The following AGAP1 variants were observed in gnomAD, a reference collection of about 807,000 sequenced individuals.
AGAP1 encodes the protein ArfGAP with GTPase domain, ankyrin repeat and PH domain 1.
AGAP1 carries 29 observed loss-of-function variants against 105.3 expected under a neutral mutation model. The observed-to-expected ratio is 0.28, with a 90% CI of 0.21 to 0.38. AGAP1 has a LOEUF of 0.38. Among genes scored for constraint, AGAP1 ranks in the 10% least tolerant of loss-of-function variants. The pLI is 1.00. For synonymous variants in AGAP1, 509 were observed against 485.9 expected (o/e 1.05, Z -0.63); for missense variants, 998 against 1,165.1 (o/e 0.86, Z 2.09).
intron 1 of AGAP1, chr2:235,670,354 C>G (rs1406248184): frequency 7.6e-6 from 4 of 524,126 alleles, no homozygotes; most frequent in Non-Finnish European, 1.4e-5. Flanking sequence ...CGGAGGGTCC[C>G]CGGCCGCGCG....
intron 1 of AGAP1, among the ~76,000 whole-genome samples, chr2:235,688,945 G>A (rs572283932): frequency 3.9e-5 from 6 of 152,294 alleles, no homozygotes; most frequent in East Asian, 1.9e-4. Flanking sequence ...AGCCGCACCC[G>A]TGTAACGTTC....
chr2:235,638,593 C>T (rs946222078), intron 1 of AGAP1, among the ~76,000 whole-genome samples: 3 of 152,118 alleles, frequency 2.0e-5, no homozygotes, highest in African/African-American at 7.2e-5. Flanking sequence ...TGTATATATG[C>T]CCAGAAAAAA....
rs540270273 is a variant in AGAP1 at position 236,010,908 on chromosome 2, G to A, written c.1646-25653G>A. Among the ~76,000 whole-genome samples the A allele has an allele frequency of 1.2e-3, 176 of 152,236 alleles. 1 individual carries two copies. Among genetic ancestry groups the A allele is most frequent in the African/African-American group, 4.1e-3 (170 of 41,532 alleles). ...AAAAAGTACAAAAAATTAGTCGGGC[G>A]TGGTGGCGGGCACTCGTGGTCCCAG... On this transcript the variant is annotated intron_variant, in intron 13 of 17. Coordinates refer to ENST00000304032, the MANE Select transcript of AGAP1 (RefSeq NM_001037131.3).
At chr2:235,743,492 T>C (rs543158536) in intron 4 of AGAP1, among the ~76,000 whole-genome samples, 6 of 152,180 alleles carry the variant, frequency 3.9e-5, no homozygotes, top group African/African-American at 1.4e-4. Flanking sequence ...TCAGCCTTGG[T>C]CCTGGCACTC....
chr2:236,077,460 A>G (rs1276774393), intron 16 of AGAP1, among the ~76,000 whole-genome samples: 1 of 151,856 alleles, frequency 6.6e-6, no homozygotes, highest in Non-Finnish European at 1.5e-5. Context: ...CTGGGATTAC[A>G]GGTGCGTGCC....
intron 1 of AGAP1, among the ~76,000 whole-genome samples, chr2:235,576,954 G>A (rs911567922): frequency 6.6e-6 from 1 of 152,114 alleles, no homozygotes. Context: ...CCTCTCTCTG[G>A]CCAGTTCTGC....
intron 13 of AGAP1, among the ~76,000 whole-genome samples, chr2:236,019,664 G>A (rs750241204): frequency 3.9e-5 from 6 of 152,358 alleles, no homozygotes; most frequent in Admixed American, 1.3e-4. Context: ...AGAGCCTGCA[G>A]CGCCCTTAGG....
chr2:235,595,005 G>A (rs1249230803), intron 1 of AGAP1, among the ~76,000 whole-genome samples: 1 of 151,590 alleles, frequency 6.6e-6, no homozygotes, highest in African/African-American at 2.4e-5. Context: ...CACTGGCAAG[G>A]AGGAGAGGGC....
chr2:235,676,603 C>G (rs1436613743), intron 1 of AGAP1, among the ~76,000 whole-genome samples: 1 of 152,142 alleles, frequency 6.6e-6, no homozygotes, highest in Non-Finnish European at 1.5e-5. Flanking sequence ...TTCCTGTTCC[C>G]CAGATCCTTA....
intron 11 of AGAP1, among the ~76,000 whole-genome samples, chr2:235,910,653 C>T (rs1214685274): frequency 6.6e-6 from 1 of 152,224 alleles, no homozygotes; most frequent in Non-Finnish European, 1.5e-5. Flanking sequence ...TGCAGTGGCT[C>T]ACGCCTGTAA....
chr2:235,534,597 G>A lies in AGAP1; in HGVS notation c.163+39748G>A, dbSNP rs188688508. ...CTTTGATCAGTGCTTCAAGCTTAGC[G>A]GTTTGTTTATATACATGTTCATGTA... On this transcript the variant is annotated intron_variant, in intron 1 of 17. Coordinates refer to ENST00000304032, the MANE Select transcript of AGAP1 (RefSeq NM_001037131.3). 8.7e-4 allele frequency among the ~76,000 whole-genome samples: 132 copies of A among 152,236 alleles called. 1 individual carries two copies. The highest frequency in any genetic ancestry group is 1.5e-3 in the Non-Finnish European group (103 of 68,028).
chr2:236,063,990 T>C (rs1349961657), intron 16 of AGAP1, among the ~76,000 whole-genome samples: 2 of 152,202 alleles, frequency 1.3e-5, no homozygotes, highest in Non-Finnish European at 2.9e-5. Context: ...TACATAATCA[T>C]GATGACTTAC....
At chr2:236,118,963 C>T (rs887086651) in intron 16 of AGAP1, among the ~76,000 whole-genome samples, 10 of 152,120 alleles carry the variant, frequency 6.6e-5, no homozygotes, top group African/African-American at 2.4e-4. Flanking sequence ...GGGGTCCTTC[C>T]TTTGGGTCAA....
In AGAP1 at chr2:235,586,595, G is replaced by C. The variant is rs1232881397; in HGVS notation, c.163+91746G>C. Among the ~76,000 whole-genome samples, 1 of 152,226 alleles carries C rather than the reference G, an allele frequency of 6.6e-6. No homozygotes were observed. Among genetic ancestry groups the C allele is most frequent in the African/African-American group, 2.4e-5 (1 of 41,458 alleles). ...TGTGACCTGAAGGCCCTTGCAGGCT[G>C]AGGTCTCTTGGTGATAATCCACACA... On this transcript the variant is annotated intron_variant, in intron 1 of 17. Transcript: ENST00000304032. This position sits in a 1 kb window ranked among gnomAD's most constrained non-coding sequence, Gnocchi z 4.2.
chr2:235,623,799 T>C lies in AGAP1; in HGVS notation c.164-85380T>C, dbSNP rs1020949705. 1.6e-4 allele frequency among the ~76,000 whole-genome samples: 24 copies of C among 152,260 alleles called. No individual in the cohort carries two copies. Among genetic ancestry groups the C allele is most frequent in the African/African-American group, 5.5e-4 (23 of 41,468 alleles). On this transcript the variant is annotated intron_variant, in intron 1 of 17. Transcript: ENST00000304032. This position sits in a 1 kb window ranked among gnomAD's most constrained non-coding sequence, Gnocchi z 4.5. ...ATTTTTTTGAGTATTGTAGTTTTTT[T>C]CAATATTTATGGAATGCTTAGTATT...
chr2:236,115,601 G>C (rs2059752004), intron 16 of AGAP1, among the ~76,000 whole-genome samples: 1 of 152,170 alleles, frequency 6.6e-6, no homozygotes, highest in South Asian at 2.1e-4. Flanking sequence ...GCATTAGTTT[G>C]CTGAAGTAGC....
chr2:235,652,161 T>C (rs1474397559), intron 1 of AGAP1, among the ~76,000 whole-genome samples: 2 of 152,156 alleles, frequency 1.3e-5, no homozygotes, highest in Admixed American at 6.5e-5. Flanking sequence ...CAGAGGCAGC[T>C]TTTATAGTGA....
At chr2:235,710,369 T>C (rs1180902235) in intron 2 of AGAP1, among the ~76,000 whole-genome samples, 8 of 152,178 alleles carry the variant, frequency 5.3e-5, no homozygotes, top group Non-Finnish European at 1.2e-4. Flanking sequence ...GTACAATGAG[T>C]GGGAGGTGCC....
At chr2:235,681,450 C>G (rs1366428162) in intron 1 of AGAP1, among the ~76,000 whole-genome samples, 1 of 152,172 alleles carries the variant, frequency 6.6e-6, no homozygotes, top group African/African-American at 2.4e-5. Context: ...GTCCTGTCAC[C>G]TTTCCTCCAG....
Sources: allele counts gnomAD v4.1 joint callset (sites outside exome capture counted in the v4.1 genomes callset), GRCh38; gene constraint gnomAD v4.1.1; non-coding constraint Gnocchi (gnomAD v3.1); transcripts MANE v1.5; gene names NCBI Gene and HGNC (gene_info 2026-07-23, HGNC 2026-07-21).